Variants in RASGRF2 observed in about 807,000 individuals in gnomAD.
RASGRF2 encodes the protein Ras protein specific guanine nucleotide releasing factor 2.
In RASGRF2, 76 loss-of-function variants were observed where a neutral mutation model predicts 151.0. That is an observed-to-expected ratio of 0.50 (90% CI 0.42 to 0.61). The LOEUF (loss-of-function observed/expected upper bound fraction) is 0.61. Among genes scored for constraint, RASGRF2 ranks in the 20% least tolerant of loss-of-function variants. The pLI is 0.00. For missense variants in RASGRF2, 1,148 were observed against 1,564.6 expected, an observed-to-expected ratio of 0.73 and a Z score of 4.49; for synonymous variants, 504 against 566.5, an observed-to-expected ratio of 0.89 and a Z score of 1.57.
At chr5:81,008,455 T>A (rs1216602346) in intron 1 of RASGRF2, among the ~76,000 whole-genome samples, 1 of 152,136 alleles carries the variant, frequency 6.6e-6, no homozygotes, top group African/African-American at 2.4e-5. Context: ...CTGGCTGGTT[T>A]CAGTTTTCAT....
chr5:80,962,683 T>C (rs1747601509), intron 1 of RASGRF2, among the ~76,000 whole-genome samples: 1 of 152,092 alleles, frequency 6.6e-6, no homozygotes, highest in Non-Finnish European at 1.5e-5. Context: ...CTTGCTAATG[T>C]TATATGGAAA....
chr5:81,192,340 G>A (rs1002614993), intron 18 of RASGRF2, among the ~76,000 whole-genome samples: 8 of 152,174 alleles, frequency 5.3e-5, no homozygotes, highest in East Asian at 1.9e-4. Context: ...AAGTACTGTC[G>A]TATTGCTATG....
At chr5:81,209,861 TC>T (rs1433965552) in intron 22 of RASGRF2, among the ~76,000 whole-genome samples, 1 of 152,180 alleles carries the variant, frequency 6.6e-6, no homozygotes, top group Non-Finnish European at 1.5e-5. Flanking sequence ...TTCTTCATTG[TC>T]CTCTCTGTTC....
At chr5:81,173,103 G>A (rs1002709199) in intron 17 of RASGRF2, among the ~76,000 whole-genome samples, 4 of 152,120 alleles carry the variant, frequency 2.6e-5, no homozygotes, top group South Asian at 4.1e-4. Context: ...TAGGCCGGGC[G>A]CAGTGGCTCA....
At chr5:81,005,928 G>A (rs1201760069) in intron 1 of RASGRF2, among the ~76,000 whole-genome samples, 1 of 152,140 alleles carries the variant, frequency 6.6e-6, no homozygotes, top group African/African-American at 2.4e-5. Context: ...GTGTTTGGAA[G>A]TTCACTCTGT....
intron 1 of RASGRF2, 123 bp downstream of exon 1, chr5:80,961,149 C>A (rs1029389899): frequency 2.6e-6 from 3 of 1,150,558 alleles, no homozygotes; most frequent in South Asian, 2.1e-5. Flanking sequence ...CGAAATCCCC[C>A]CGCGTCACCA....
At chr5:81,167,177 G>C (rs768132863) in intron 17 of RASGRF2, among the ~76,000 whole-genome samples, 7 of 152,154 alleles carry the variant, frequency 4.6e-5, no homozygotes, top group Non-Finnish European at 8.8e-5. Context: ...TCAGCATAAA[G>C]GACCTGGCCT....
At chr5:81,076,502 T>G (rs984326822) in intron 5 of RASGRF2, among the ~76,000 whole-genome samples, 93 of 142,012 alleles carry the variant, frequency 6.5e-4, no homozygotes, top group East Asian at 4.6e-3. Context: ...GAGAAAGAGG[T>G]GTGGAATAGT....
chr5:81,004,662 G>A (rs888844417), intron 1 of RASGRF2, among the ~76,000 whole-genome samples: 1 of 152,210 alleles, frequency 6.6e-6, no homozygotes, highest in Admixed American at 6.5e-5. Context: ...AGCCTGGCTT[G>A]TTCCTTGAGG....
At chr5:81,094,645 A>G (rs1305103788) in intron 11 of RASGRF2, among the ~76,000 whole-genome samples, 2 of 152,140 alleles carry the variant, frequency 1.3e-5, no homozygotes, top group Admixed American at 1.3e-4. Context: ...GGAAACCAGG[A>G]TTCTAGTCTC....
chr5:81,168,300 T>A (rs1580375185), intron 17 of RASGRF2, among the ~76,000 whole-genome samples: 1 of 128,440 alleles, frequency 7.8e-6, no homozygotes, highest in East Asian at 2.4e-4. Context: ...GCGTCTTTTT[T>A]TTTCTTCTCT....
At chr5:81,189,420 C>T (rs1219478721) in intron 18 of RASGRF2, among the ~76,000 whole-genome samples, 2 of 151,964 alleles carry the variant, frequency 1.3e-5, no homozygotes, top group East Asian at 3.9e-4. Context: ...TTTTAAATGA[C>T]TAATGAGTTG....
chr5:81,196,001 G>A (rs1416497005), intron 18 of RASGRF2, among the ~76,000 whole-genome samples: 2 of 152,258 alleles, frequency 1.3e-5, no homozygotes, highest in African/African-American at 4.8e-5. Context: ...GCTCACGCGT[G>A]TAACTGCAGC....
intron 9 of RASGRF2, 57 bp downstream of exon 9, chr5:81,087,010 C>T: frequency 6.9e-7 from 1 of 1,459,076 alleles, no homozygotes. Flanking sequence ...GTCACATGAT[C>T]TCGGCACACC....
chr5:80,990,596 TGTCG>T (rs1748618925), intron 1 of RASGRF2, among the ~76,000 whole-genome samples: 1 of 152,196 alleles, frequency 6.6e-6, no homozygotes, highest in Non-Finnish European at 1.5e-5. Context: ...TGAGCAGGGC[TGTCG>T]GTCCACACCT....
chr5:80,980,836 A>ATCC (rs1748275761), intron 1 of RASGRF2, among the ~76,000 whole-genome samples: 1 of 152,094 alleles, frequency 6.6e-6, no homozygotes, highest in Non-Finnish European at 1.5e-5. Flanking sequence ...GCGTCTCTGT[A>ATCC]ATTTTGAGGA....
chr5:81,059,875 C>G (rs1437302891), intron 2 of RASGRF2, among the ~76,000 whole-genome samples: 1 of 145,552 alleles, frequency 6.9e-6, no homozygotes, highest in Non-Finnish European at 1.5e-5. Context: ...AAAAAACAAC[C>G]TGAGGCTGGG....
chr5:81,012,218 AT>A (rs1396978719), intron 1 of RASGRF2, among the ~76,000 whole-genome samples: 2 of 151,926 alleles, frequency 1.3e-5, no homozygotes, highest in Non-Finnish European at 2.9e-5. Flanking sequence ...TAAACTTGTA[AT>A]TTTTTTCTTG....
chr5:80,994,880 T>C (rs1236488038), intron 1 of RASGRF2, among the ~76,000 whole-genome samples: 1 of 152,226 alleles, frequency 6.6e-6, no homozygotes, highest in Non-Finnish European at 1.5e-5. Flanking sequence ...TTTTAAGTGC[T>C]CATCTCCCTG....
Sources: gnomAD v4.1 joint callset for allele counts (sites outside exome capture counted in the v4.1 genomes callset) on GRCh38, gnomAD v4.1.1 for gene constraint, MANE v1.5 for transcripts, NCBI Gene and HGNC (gene_info 2026-07-23, HGNC 2026-07-21) for gene names.